Variants in CPEB3 observed in about 807,000 individuals in gnomAD.
CPEB3 encodes the protein cytoplasmic polyadenylation element-binding protein 3.
Under a neutral mutation model 67.2 loss-of-function variants are expected in CPEB3, and 20 were observed. The observed-to-expected ratio is 0.30, with a 90% CI of 0.21 to 0.43. The LOEUF (loss-of-function observed/expected upper bound fraction) is 0.43, where lower values mean the gene tolerates loss of function less well. Among genes scored for constraint, CPEB3 ranks in the 20% least tolerant of loss-of-function variants. The pLI is 1.00. For synonymous variants in CPEB3, 376 were observed against 393.1 expected (o/e 0.96, Z 0.51); for missense variants, 746 against 968.6 (o/e 0.77, Z 3.05).
rs71025390 is a variant in CPEB3 at position 92,289,732 on chromosome 10, AAT to A, written c.-12+1192_-12+1193del. 7.7e-3 allele frequency among the ~76,000 whole-genome samples: 580 copies of A among 75,474 alleles called. 22 individuals carry two copies. Among genetic ancestry groups the A allele is most frequent in the East Asian group, 0.018 (64 of 3,478 alleles). The allele number at this position is 75,474 out of a possible 152,430, so 49.5% of individuals were successfully genotyped here. On this transcript the variant is annotated intron_variant, in intron 1 of 9. Transcript: ENST00000265997. ...CGCGTCTCTACCAAAAAAAAAAAAA[AAT>A]ATATATATATATATATATATATATG...
At chr10:92,160,321 T>C (rs1847411534) in intron 4 of CPEB3, among the ~76,000 whole-genome samples, 1 of 152,198 alleles carries the variant, frequency 6.6e-6, no homozygotes, top group Non-Finnish European at 1.5e-5. Context: ...CCAAAAACAA[T>C]TTAAGGGACT....
At chr10:92,102,171 T>C (rs1469382863) in intron 7 of CPEB3, among the ~76,000 whole-genome samples, 1 of 152,230 alleles carries the variant, frequency 6.6e-6, no homozygotes, top group Non-Finnish European at 1.5e-5. Context: ...ATGCCTTCCC[T>C]GCATCTTCTG....
intron 8 of CPEB3, among the ~76,000 whole-genome samples, chr10:92,085,089 G>C (rs906286695): frequency 6.6e-6 from 1 of 152,204 alleles, no homozygotes; most frequent in African/African-American, 2.4e-5. Context: ...GCAGAGGGCA[G>C]AGACAAAGTA....
intron 6 of CPEB3, among the ~76,000 whole-genome samples, chr10:92,124,563 C>T (rs1035644166): frequency 3.3e-5 from 5 of 152,034 alleles, no homozygotes; most frequent in African/African-American, 1.2e-4. Flanking sequence ...ATATAGGGTT[C>T]ATAAATCACC....
At chr10:92,215,738 G>GC (rs1554921271) in intron 2 of CPEB3, among the ~76,000 whole-genome samples, 2 of 96,292 alleles carry the variant, frequency 2.1e-5, no homozygotes, top group African/African-American at 3.6e-5. Context: ...ATGGCGCCTG[G>GC]CTTTTTTTTT....
intron 7 of CPEB3, among the ~76,000 whole-genome samples, chr10:92,102,931 C>T (rs1844262828): frequency 6.6e-6 from 1 of 152,168 alleles, no homozygotes; most frequent in Admixed American, 6.5e-5. Context: ...ACTCTAAGAT[C>T]CTCTAAGGCT....
rs1852192284 is a variant in CPEB3, at chr10:92,048,953, A to G, written c.*3259T>C. 1 of 152,642 alleles carries G rather than the reference A, an allele frequency of 6.6e-6. No homozygotes were observed. Among genetic ancestry groups the G allele is most frequent in the African/African-American group, 2.4e-5 (1 of 41,474 alleles). The allele number at this position is 152,642 out of a possible 1,614,324, so 9.5% of individuals were successfully genotyped here. ...GTCCCTCCCAGAAACAACTCTATTA[A>G]TGATTGAGAAAGCACTCCTTAAAGA... On this transcript the variant is annotated 3_prime_UTR_variant, in exon 10 of 10. Coordinates refer to ENST00000265997, the MANE Select transcript of CPEB3 (RefSeq NM_014912.5). This position sits in a 1 kb window ranked among gnomAD's most constrained non-coding sequence, Gnocchi z 4.1.
intron 8 of CPEB3, among the ~76,000 whole-genome samples, chr10:92,086,824 T>C (rs867779923): frequency 9.2e-5 from 14 of 152,198 alleles, no homozygotes; most frequent in Admixed American, 6.5e-5. Context: ...ATGGCAAAGT[T>C]TGACATCAGC....
At chr10:92,274,621 A>G (rs1411163115) in intron 1 of CPEB3, among the ~76,000 whole-genome samples, 1 of 152,088 alleles carries the variant, frequency 6.6e-6, no homozygotes, top group African/African-American at 2.4e-5. Context: ...CGGGTGGATC[A>G]TTTGAGGTCA....
intron 3 of CPEB3, among the ~76,000 whole-genome samples, chr10:92,190,604 G>A (rs1056831290): frequency 7.2e-6 from 1 of 138,022 alleles, no homozygotes; most frequent in East Asian, 2.3e-4. Context: ...GGCACACGTT[G>A]TGGTAAGCCA....
chr10:92,102,538 C>T (rs895607808), intron 7 of CPEB3, among the ~76,000 whole-genome samples: 1 of 152,210 alleles, frequency 6.6e-6, no homozygotes, highest in Non-Finnish European at 1.5e-5. Context: ...AAGGAAGCTA[C>T]AGGCTTTACA....
intron 9 of CPEB3, among the ~76,000 whole-genome samples, chr10:92,079,734 A>G (rs1331934106): frequency 6.6e-6 from 1 of 152,208 alleles, no homozygotes; most frequent in East Asian, 1.9e-4. Flanking sequence ...ATTTTTACCT[A>G]AGAAACTTGC....
chr10:92,125,589 A>G (rs58708663), intron 6 of CPEB3, among the ~76,000 whole-genome samples: 11,461 of 152,240 alleles, frequency 0.075, 1,438 homozygotes, highest in African/African-American at 0.26. Flanking sequence ...TGGTAGCTCC[A>G]GTGACAGCAA....
intron 4 of CPEB3, among the ~76,000 whole-genome samples, chr10:92,176,375 C>T (rs1382833101): frequency 1.3e-5 from 2 of 152,182 alleles, no homozygotes; most frequent in African/African-American, 4.8e-5. Context: ...GTGAAGAAAT[C>T]GAGGCAAAGA....
intron 4 of CPEB3, among the ~76,000 whole-genome samples, chr10:92,179,157 T>C (rs1848356319): frequency 1.3e-5 from 2 of 152,172 alleles, no homozygotes; most frequent in African/African-American, 4.8e-5. Flanking sequence ...TCATTAAGAT[T>C]ACCTAATCAC....
chr10:92,117,324 C>CTTT (rs35220275), intron 6 of CPEB3, among the ~76,000 whole-genome samples: 929 of 79,966 alleles, frequency 0.012, 24 homozygotes, highest in Admixed American at 0.028. Flanking sequence ...GCCTGGCTGA[C>CTTT]TTTTTTTTTT....
intron 4 of CPEB3, among the ~76,000 whole-genome samples, chr10:92,166,165 G>A (rs1034029106): frequency 2.0e-5 from 3 of 150,966 alleles, no homozygotes; most frequent in Admixed American, 6.6e-5. Context: ...CTAGAGTGCA[G>A]TGGCGTGATC....
At chr10:92,061,762 A>G (rs1213248386) in intron 9 of CPEB3, among the ~76,000 whole-genome samples, 2 of 152,164 alleles carry the variant, frequency 1.3e-5, no homozygotes, top group Admixed American at 1.3e-4. Flanking sequence ...AAGACCTACT[A>G]TTTCATATCA....
chr10:92,104,933 C>T (rs990947075), intron 7 of CPEB3, among the ~76,000 whole-genome samples: 6 of 151,892 alleles, frequency 4.0e-5, no homozygotes, highest in African/African-American at 7.3e-5. Context: ...ACAGGGGTCT[C>T]GCTGTTGCCT....
Sources: allele counts gnomAD v4.1 joint callset (sites outside exome capture counted in the v4.1 genomes callset), GRCh38; gene constraint gnomAD v4.1.1; non-coding constraint Gnocchi (gnomAD v3.1); transcripts MANE v1.5; gene names NCBI Gene and HGNC (gene_info 2026-07-23, HGNC 2026-07-21).